The following FGD5 variants were observed in gnomAD, a reference collection of about 807,000 sequenced individuals.
FGD5 encodes the protein FYVE, RhoGEF and PH domain containing 5.
A neutral mutation model predicts 133.4 loss-of-function variants in FGD5; 28 were observed. The observed-to-expected ratio is 0.21, with a 90% CI of 0.16 to 0.29. FGD5 has a LOEUF of 0.29. Among genes scored for constraint, FGD5 ranks in the 10% least tolerant of loss-of-function variants. The pLI is 1.00. For synonymous variants in FGD5, 810 were observed against 776.5 expected (o/e 1.04, Z -0.72); for missense variants, 1,858 against 1,895.2 (o/e 0.98, Z 0.36).
chr3:14,858,464 T>A (rs887614483), intron 1 of FGD5, among the ~76,000 whole-genome samples: 4 of 152,098 alleles, frequency 2.6e-5, no homozygotes, highest in African/African-American at 4.8e-5. Context: ...GGCTTTCTCA[T>A]ATGTAGTATA....
chr3:14,914,696 G>A (rs2038518163), intron 11 of FGD5, among the ~76,000 whole-genome samples: 1 of 152,164 alleles, frequency 6.6e-6, no homozygotes, highest in South Asian at 2.1e-4. Flanking sequence ...GCACACTGGA[G>A]GGACACTCAT....
chr3:14,824,926 G>C (rs2036573349), intron 1 of FGD5, among the ~76,000 whole-genome samples: 1 of 152,188 alleles, frequency 6.6e-6, no homozygotes, highest in African/African-American at 2.4e-5. Context: ...TTGTTAAACA[G>C]GGAGAGGTGT....
rs1009062709 is a variant in FGD5 at position 14,926,283 on chromosome 3, G to A, written c.4197+85G>A. On this transcript the variant is annotated intron_variant, in intron 18 of 19. Coordinates refer to ENST00000285046, the MANE Select transcript of FGD5 (RefSeq NM_152536.4). ...CTGCACACATCCTGTCACTTGCAAA[G>A]CTGTGTGAGTCCTGGCTGCTGAGCC... 1.9e-6 allele frequency: 3 copies of A among 1,558,622 alleles called. No individual in the cohort carries two copies. The South Asian group carries it at 3.5e-5, about 18-fold the overall frequency.
At chr3:14,852,170 T>C (rs1379826726) in intron 1 of FGD5, among the ~76,000 whole-genome samples, 1 of 152,220 alleles carries the variant, frequency 6.6e-6, no homozygotes, top group African/African-American at 2.4e-5. Flanking sequence ...GCATTATACA[T>C]GATAGCCAAA....
chr3:14,928,281 A>G (rs1239908024), intron 18 of FGD5, among the ~76,000 whole-genome samples: 1 of 152,040 alleles, frequency 6.6e-6, no homozygotes, highest in Non-Finnish European at 1.5e-5. Flanking sequence ...TATATTGCTC[A>G]GGCTGTTCTC....
intron 2 of FGD5, among the ~76,000 whole-genome samples, chr3:14,873,549 G>A (rs1180843967): frequency 6.6e-6 from 1 of 152,098 alleles, no homozygotes; most frequent in Non-Finnish European, 1.5e-5. Context: ...CGATGGGGAG[G>A]GCTGTGTCTT....
At chr3:14,913,338 C>T (rs1342222814) in intron 11 of FGD5, among the ~76,000 whole-genome samples, 1 of 152,228 alleles carries the variant, frequency 6.6e-6, no homozygotes, top group African/African-American at 2.4e-5. Flanking sequence ...ACAGGTCCTC[C>T]CTCTCTATCT....
chr3:14,819,287 G>C lies in FGD5; in HGVS notation c.216G>C (p.Pro72=). Reference sequence around the variant, plus strand: ...ATTACATCGTGGTCCCCAGGGTTCCGCTGAGGGAGGATGAACCCAAGGACG... The same window carrying C: ...ATTACATCGTGGTCCCCAGGGTTCCCCTGAGGGAGGATGAACCCAAGGACG... ...DEDYIVVPRV[P]LREDEPKDEG... The change falls in exon 1 of 20, where the codon CCG becomes CCC. Residue 72 remains proline (P), a synonymous_variant. Coordinates refer to ENST00000285046, the MANE Select transcript of FGD5 (RefSeq NM_152536.4). The surrounding 1 kb of genome is among the most constrained non-coding windows in gnomAD (Gnocchi z 4.1). The C allele has an allele frequency of 1.3e-6, 2 of 1,530,082 alleles. No individual in the cohort carries two copies. The highest frequency in any genetic ancestry group is 1.8e-6 in the Non-Finnish European group (2 of 1,135,718). The allele number at this position is 1,530,082 out of a possible 1,614,324, so 94.8% of individuals were successfully genotyped here.
intron 11 of FGD5, among the ~76,000 whole-genome samples, chr3:14,914,988 G>C (rs890981698): frequency 5.3e-5 from 8 of 152,272 alleles, no homozygotes; most frequent in Admixed American, 5.2e-4. Context: ...AAGCCAGCCA[G>C]ACACCGATTT....
chr3:14,902,798 C>T (rs1017847895), intron 9 of FGD5, among the ~76,000 whole-genome samples: 13 of 152,132 alleles, frequency 8.5e-5, no homozygotes, highest in South Asian at 2.1e-4. Context: ...TCCCTTTAGC[C>T]GGGGCTGCCT....
intron 1 of FGD5, among the ~76,000 whole-genome samples, chr3:14,824,156 G>A (rs1345370130): frequency 1.3e-5 from 2 of 152,244 alleles, no homozygotes; most frequent in African/African-American, 4.8e-5. Flanking sequence ...ACATCAGTCA[G>A]TGAGCAAAGC....
At chr3:14,863,638 A>G (rs921450655) in intron 1 of FGD5, among the ~76,000 whole-genome samples, 4 of 152,332 alleles carry the variant, frequency 2.6e-5, no homozygotes, top group Non-Finnish European at 4.4e-5. Context: ...CTGAGTGGGA[A>G]CTGATGCCCT....
chr3:14,814,897 C>G (rs1439618831), upstream of FGD5, among the ~76,000 whole-genome samples: 3 of 152,176 alleles, frequency 2.0e-5, no homozygotes, highest in Admixed American at 2.0e-4. Flanking sequence ...TGACTTTTCT[C>G]TTTCTTTTAC....
At chr3:14,890,662 C>T (rs767365385) in intron 4 of FGD5, among the ~76,000 whole-genome samples, 25 of 152,296 alleles carry the variant, frequency 1.6e-4, no homozygotes, top group African/African-American at 4.6e-4. Flanking sequence ...ATTCTGATTA[C>T]GTTCTAGTTT....
intron 16 of FGD5, 41 bp from the exon 17 acceptor site, chr3:14,923,963 GGCAC>G (rs778145673): frequency 6.2e-7 from 1 of 1,611,600 alleles, no homozygotes; most frequent in Non-Finnish European, 8.5e-7. Flanking sequence ...ACAAGCCGCA[GGCAC>G]GCCTCTCACC....
At chr3:14,821,627 G>A (rs1483247068) in intron 1 of FGD5, 31 bp downstream of exon 1, 3 of 1,524,858 alleles carry the variant, frequency 2.0e-6, no homozygotes, top group Non-Finnish European at 2.6e-6. Context: ...TTTCTTGTTC[G>A]GCAGCTGTAA....
intron 4 of FGD5, chr3:14,882,291 A>G (rs375506747): frequency 1.0e-6 from 1 of 985,328 alleles, no homozygotes; most frequent in African/African-American, 1.7e-5. Flanking sequence ...GAGGGTTTTA[A>G]CTGGGAAACT....
intron 4 of FGD5, among the ~76,000 whole-genome samples, chr3:14,891,981 C>T (rs938307977): frequency 2.0e-5 from 3 of 151,292 alleles, no homozygotes; most frequent in Non-Finnish European, 4.4e-5. Context: ...GGATCTGTTT[C>T]CTTGTTTTTC....
At chr3:14,838,118 G>C (rs2036852499) in intron 1 of FGD5, among the ~76,000 whole-genome samples, 1 of 152,272 alleles carries the variant, frequency 6.6e-6, no homozygotes, top group East Asian at 1.9e-4. Context: ...ACTAGCTGAC[G>C]TCCACTCCTG....
Sources: allele counts gnomAD v4.1 joint callset (sites outside exome capture counted in the v4.1 genomes callset), GRCh38; gene constraint gnomAD v4.1.1; non-coding constraint Gnocchi (gnomAD v3.1); transcripts MANE v1.5; gene names NCBI Gene and HGNC (gene_info 2026-07-23, HGNC 2026-07-21).